The following LSAMP variants were observed in gnomAD, a reference collection of about 807,000 sequenced individuals.
LSAMP encodes limbic system associated membrane protein.
In LSAMP, 7 loss-of-function variants were observed where a neutral mutation model predicts 38.6. The observed-to-expected ratio is 0.18, with a 90% CI of 0.10 to 0.34. The LOEUF is 0.34. Among genes scored for constraint, LSAMP ranks in the 10% least tolerant of loss-of-function variants. The pLI, the probability that LSAMP is intolerant of heterozygous loss-of-function variation, is 1.00. For synonymous variants in LSAMP, 154 were observed against 166.8 expected, an observed-to-expected ratio of 0.92 and a Z score of 0.59; for missense variants, 313 against 420.0, an observed-to-expected ratio of 0.75 and a Z score of 2.23.
At chr3:116,007,398 G>A (rs112346292) in intron 3 of LSAMP, among the ~76,000 whole-genome samples, 235 of 152,184 alleles carry the variant, frequency 1.5e-3, no homozygotes, top group African/African-American at 5.2e-3. Context: ...ATTACCTATT[G>A]AGGTTCCTCT....
chr3:116,116,586 G>T (rs1303201222), intron 1 of LSAMP, among the ~76,000 whole-genome samples: 1 of 151,286 alleles, frequency 6.6e-6, no homozygotes, highest in Non-Finnish European at 1.5e-5. Flanking sequence ...GCGTGGTGGT[G>T]CATGCCTGTA....
At chr3:115,950,962 A>G (rs1472897940) in intron 3 of LSAMP, among the ~76,000 whole-genome samples, 5 of 152,192 alleles carry the variant, frequency 3.3e-5, no homozygotes, top group Non-Finnish European at 7.4e-5. Context: ...TTTACAGTCA[A>G]ATAAAGCCAG....
intron 3 of LSAMP, among the ~76,000 whole-genome samples, chr3:115,991,805 G>T (rs1445124381): frequency 6.6e-6 from 1 of 152,080 alleles, no homozygotes; most frequent in Non-Finnish European, 1.5e-5. Context: ...GCAATGCCAC[G>T]GACTGCACTG....
At chr3:116,118,670 C>G (rs1708807645) in intron 1 of LSAMP, among the ~76,000 whole-genome samples, 1 of 152,136 alleles carries the variant, frequency 6.6e-6, no homozygotes, top group Non-Finnish European at 1.5e-5. Flanking sequence ...ACCAGAGGCT[C>G]TATCTGCTCA....
At position 116,127,695 on chromosome 3, in the gene LSAMP, ATTTTTTT is replaced by A. The variant is rs67470158; in HGVS notation, c.156-41146_156-41140del. ...GTCGGCAAGTTTTCAGTGTTTGTTCATTTTTTTTTTTTTTTTTTTTTTTTTTGGTAGA... is the reference window on the plus strand; with the variant it reads ...GTCGGCAAGTTTTCAGTGTTTGTTCATTTTTTTTTTTTTTTTTTTGGTAGA... On this transcript the variant is annotated intron_variant, in intron 1 of 6. Coordinates refer to ENST00000490035, the MANE Select transcript of LSAMP (RefSeq NM_002338.5). 4.5e-3 allele frequency among the ~76,000 whole-genome samples: 432 copies of A among 96,648 alleles called. 5 individuals are homozygous for A. Among genetic ancestry groups the A allele is most frequent in the African/African-American group, 0.015 (401 of 27,434 alleles). 63.4% of individuals were successfully genotyped at this position (96,648 alleles called of 152,430 possible).
At chr3:116,052,181 T>A (rs1559723732) in intron 2 of LSAMP, among the ~76,000 whole-genome samples, 1 of 151,862 alleles carries the variant, frequency 6.6e-6, no homozygotes, top group Non-Finnish European at 1.5e-5. Context: ...TGATCATGAA[T>A]AAAATCCTCT....
intron 3 of LSAMP, among the ~76,000 whole-genome samples, chr3:115,956,134 G>A (rs1372760864): frequency 6.6e-6 from 1 of 151,890 alleles, no homozygotes; most frequent in Non-Finnish European, 1.5e-5. Context: ...TTTAGAGCTT[G>A]TGTGCTCTCC....
At chr3:115,931,121 C>T (rs762226340) in intron 3 of LSAMP, among the ~76,000 whole-genome samples, 23 of 152,126 alleles carry the variant, frequency 1.5e-4, no homozygotes, top group Non-Finnish European at 3.2e-4. Context: ...CTTGGCAGCA[C>T]CCCACTTCCT....
chr3:115,976,295 A>G (rs1238426049), intron 3 of LSAMP, among the ~76,000 whole-genome samples: 1 of 152,218 alleles, frequency 6.6e-6, no homozygotes, highest in African/African-American at 2.4e-5. Flanking sequence ...CTTTGAATTC[A>G]AAATAATTAA....
At chr3:116,110,774 C>G (rs1262973439) in intron 1 of LSAMP, among the ~76,000 whole-genome samples, 1 of 152,068 alleles carries the variant, frequency 6.6e-6, no homozygotes, top group Non-Finnish European at 1.5e-5. Flanking sequence ...AAGGGAGGTC[C>G]CCCGATCCGA....
intron 1 of LSAMP, among the ~76,000 whole-genome samples, chr3:116,101,220 A>ATT (rs1297150399): frequency 1.3e-5 from 2 of 152,196 alleles, no homozygotes; most frequent in Non-Finnish European, 2.9e-5. Flanking sequence ...GAAACTTACT[A>ATT]TTCCAAGTGG....
chr3:116,255,108 A>G (rs1011458164), intron 1 of LSAMP, among the ~76,000 whole-genome samples: 1 of 152,106 alleles, frequency 6.6e-6, no homozygotes, highest in Non-Finnish European at 1.5e-5. Context: ...GCTCTATTCT[A>G]TATTTTTGTA....
intron 6 of LSAMP, among the ~76,000 whole-genome samples, chr3:115,814,935 T>C (rs1933965483): frequency 6.6e-6 from 1 of 152,202 alleles, no homozygotes; most frequent in Non-Finnish European, 1.5e-5. Context: ...AAGATGCATT[T>C]AGAAGGAAGC....
intron 6 of LSAMP, among the ~76,000 whole-genome samples, chr3:115,840,779 A>G (rs1326100044): frequency 1.3e-5 from 2 of 152,194 alleles, no homozygotes; most frequent in African/African-American, 2.4e-5. Context: ...ATAGCAAGAT[A>G]GAAACATTTC....
intron 3 of LSAMP, among the ~76,000 whole-genome samples, chr3:115,996,142 C>T (rs1474656840): frequency 6.6e-6 from 1 of 151,810 alleles, no homozygotes; most frequent in East Asian, 1.9e-4. Flanking sequence ...AAATTTTTTC[C>T]TAAAGTGTGC....
intron 1 of LSAMP, among the ~76,000 whole-genome samples, chr3:116,218,691 T>A (rs1012198657): frequency 1.8e-4 from 27 of 152,176 alleles, no homozygotes; most frequent in African/African-American, 6.0e-4. Context: ...TCAGTGGCTA[T>A]TCACAGGCAT....
chr3:116,209,314 A>G (rs539793124), intron 1 of LSAMP, among the ~76,000 whole-genome samples: 1 of 152,104 alleles, frequency 6.6e-6, no homozygotes, highest in African/African-American at 2.4e-5. Flanking sequence ...CTCCCTAGTG[A>G]GATGAACCCA....
intron 1 of LSAMP, among the ~76,000 whole-genome samples, chr3:116,409,713 T>C (rs1280472077): frequency 6.6e-6 from 1 of 152,086 alleles, no homozygotes; most frequent in African/African-American, 2.4e-5. Context: ...GCTGTGCTTA[T>C]TTAGTTAATA....
intron 1 of LSAMP, among the ~76,000 whole-genome samples, chr3:116,381,897 A>G (rs1280680931): frequency 6.6e-6 from 1 of 152,038 alleles, no homozygotes; most frequent in East Asian, 1.9e-4. Context: ...TCTAAGGGAG[A>G]GGTTGGAAAA....
Sources: gnomAD v4.1 joint callset for allele counts (sites outside exome capture counted in the v4.1 genomes callset) on GRCh38, gnomAD v4.1.1 for gene constraint, MANE v1.5 for transcripts, NCBI Gene and HGNC (gene_info 2026-07-23, HGNC 2026-07-21) for gene names.